The following SFXN5 variants were observed in gnomAD, a reference collection of about 807,000 sequenced individuals.
SFXN5 encodes the protein sideroflexin 5, also known as sideroflexin-5.
SFXN5 carries 43 observed loss-of-function variants against 50.2 expected under a neutral mutation model. The ratio of observed to expected loss-of-function variants is 0.86; its 90% CI spans 0.67 to 1.11. The LOEUF (loss-of-function observed/expected upper bound fraction) is 1.11, where lower values mean the gene tolerates loss of function less well. Among genes scored for constraint, SFXN5 ranks in the 50% least tolerant of loss-of-function variants. SFXN5 has a pLI of 0.00. For synonymous variants in SFXN5, 203 were observed against 185.8 expected, an observed-to-expected ratio of 1.09 and a Z score of -0.75; for missense variants, 463 against 454.1, an observed-to-expected ratio of 1.02 and a Z score of -0.18.
At chr2:72,951,392 T>G (rs1672519485) in intron 13 of SFXN5, among the ~76,000 whole-genome samples, 1 of 152,186 alleles carries the variant, frequency 6.6e-6, no homozygotes. Context: ...CCAGCTAGAA[T>G]AGCCAAGCAC....
At chr2:73,061,117 A>C (rs1398489531) in intron 1 of SFXN5, among the ~76,000 whole-genome samples, 1 of 151,330 alleles carries the variant, frequency 6.6e-6, no homozygotes, top group Non-Finnish European at 1.5e-5. Flanking sequence ...GGGGTTCAAG[A>C]CCAGCCTGGC....
At chr2:72,998,332 C>T (rs1408206444) in intron 9 of SFXN5, 1 of 152,384 alleles carries the variant, frequency 6.6e-6, no homozygotes, top group Non-Finnish European at 1.5e-5. Flanking sequence ...TTGCCCCTGG[C>T]CTCCTCTGGG....
chr2:73,067,885 T>C (rs1413107413), intron 1 of SFXN5, among the ~76,000 whole-genome samples: 1 of 152,202 alleles, frequency 6.6e-6, no homozygotes. Context: ...CTTAATCTGT[T>C]TGTGTGCTGT....
chr2:72,960,784 A>T lies in SFXN5; in HGVS notation c.945+347T>A, dbSNP rs371929678. ...CACACCAGGTGTCCGCGGACCTCAC[A>T]TCTCCCCCCGCCACCCCTTTTCATC... On this transcript the variant is annotated intron_variant, in intron 13 of 13. Coordinates refer to ENST00000272433, the MANE Select transcript of SFXN5 (RefSeq NM_144579.3). This position sits in a 1 kb window ranked among gnomAD's most constrained non-coding sequence, Gnocchi z 6.1. Among the ~76,000 whole-genome samples the T allele has an allele frequency of 2.1e-4, 32 of 151,556 alleles. No individual in the cohort carries two copies. The East Asian group carries it at 6.0e-3, about 29-fold the overall frequency.
intron 10 of SFXN5, among the ~76,000 whole-genome samples, chr2:72,975,545 C>A (rs947500518): frequency 6.6e-6 from 1 of 152,158 alleles, no homozygotes; most frequent in African/African-American, 2.4e-5. Context: ...CTACGATGCA[C>A]CTTCCCATAT....
intron 1 of SFXN5, among the ~76,000 whole-genome samples, chr2:73,061,428 G>A (rs535045179): frequency 1.5e-3 from 234 of 152,104 alleles, no homozygotes; most frequent in African/African-American, 5.3e-3. Context: ...CATAAAACCT[G>A]GAAATGTAGA....
At chr2:72,983,526 T>C (rs2105536516) in intron 10 of SFXN5, among the ~76,000 whole-genome samples, 1 of 152,288 alleles carries the variant, frequency 6.6e-6, no homozygotes, top group Non-Finnish European at 1.5e-5. Context: ...AGGGCCTAGC[T>C]GGGGGTCTTG....
chr2:72,949,936 T>TG (rs1359803924), intron 13 of SFXN5, among the ~76,000 whole-genome samples: 2 of 150,562 alleles, frequency 1.3e-5, no homozygotes, highest in Non-Finnish European at 3.0e-5. Context: ...GGGCCAGGGT[T>TG]GGGGGTGGTA....
chr2:72,955,710 C>T lies in SFXN5; in HGVS notation c.945+5421G>A, dbSNP rs773226487. The stretch of plus-strand genomic sequence containing the variant: ...TACAGCCTCTTGTGGTAGCCAAGCC[C>T]GTGTTCCTGGACACTGGACCCTGCA... On this transcript the variant is annotated intron_variant, in intron 13 of 13. Coordinates refer to ENST00000272433, the MANE Select transcript of SFXN5 (RefSeq NM_144579.3). Among the ~76,000 whole-genome samples, 177 of 152,334 alleles carry T rather than the reference C, an allele frequency of 1.2e-3. 2 individuals are homozygous for T. Among genetic ancestry groups the T allele is most frequent in the Non-Finnish European group, 2.2e-3 (151 of 68,026 alleles).
At chr2:73,051,461 T>C (rs1444007544) in intron 2 of SFXN5, among the ~76,000 whole-genome samples, 1 of 152,140 alleles carries the variant, frequency 6.6e-6, no homozygotes, top group Non-Finnish European at 1.5e-5. Context: ...TTTCACCATC[T>C]TGGCCAGGCT....
intron 13 of SFXN5, among the ~76,000 whole-genome samples, chr2:72,946,121 C>T (rs1482855947): frequency 6.6e-6 from 1 of 151,756 alleles, no homozygotes; most frequent in East Asian, 1.9e-4. Flanking sequence ...CACCTGGCTC[C>T]ACCTCCCCTG....
At chr2:73,001,456 C>T in intron 7 of SFXN5, 69 bp downstream of exon 7, 2 of 1,532,624 alleles carry the variant, frequency 1.3e-6, no homozygotes, top group South Asian at 1.1e-5. Context: ...GACACCACAG[C>T]AGGGAGTTCT....
At chr2:72,998,147 G>A (rs1415435118) in intron 9 of SFXN5, 1 of 152,140 alleles carries the variant, frequency 6.6e-6, no homozygotes, top group African/African-American at 2.4e-5. Flanking sequence ...AAATGACAGA[G>A]TTGTGAAGGG....
intron 11 of SFXN5, among the ~76,000 whole-genome samples, chr2:72,970,873 A>G (rs555835621): frequency 6.6e-6 from 1 of 152,122 alleles, no homozygotes; most frequent in East Asian, 1.9e-4. Context: ...TTTTTAGTAG[A>G]GACGGGGTTT....
At chr2:73,032,172 G>T (rs907498587) in intron 3 of SFXN5, among the ~76,000 whole-genome samples, 30 of 152,186 alleles carry the variant, frequency 2.0e-4, no homozygotes, top group African/African-American at 7.2e-4. Context: ...TCATCCTAGG[G>T]TGTCAAGAGT....
chr2:73,047,273 T>C lies in SFXN5; in HGVS notation c.172-6342A>G, dbSNP rs866413310. On this transcript the variant is annotated intron_variant, in intron 2 of 13. Coordinates refer to ENST00000272433, the MANE Select transcript of SFXN5 (RefSeq NM_144579.3). ...ATATATATATATATATATATATATATATACACACATATATATATATATATA... is the reference window on the plus strand; with the variant it reads ...ATATATATATATATATATATATATACATACACACATATATATATATATATA... Among the ~76,000 whole-genome samples the C allele has an allele frequency of 3.9e-3, 252 of 63,900 alleles. 4 individuals carry two copies. Among genetic ancestry groups the C allele is most frequent in the East Asian group, 0.021 (47 of 2,222 alleles). 41.9% of individuals were successfully genotyped at this position (63,900 alleles called of 152,430 possible). A position where few individuals can be genotyped will look rare whatever the true frequency, so the allele number is the denominator to read the frequency against.
intron 10 of SFXN5, among the ~76,000 whole-genome samples, chr2:72,981,844 C>A (rs762554216): frequency 2.0e-5 from 3 of 152,190 alleles, no homozygotes; most frequent in Non-Finnish European, 4.4e-5. Context: ...AACACCATTT[C>A]CGTACATAAT....
intron 3 of SFXN5, among the ~76,000 whole-genome samples, chr2:73,031,661 C>T (rs1369155253): frequency 2.6e-5 from 4 of 152,208 alleles, no homozygotes; most frequent in African/African-American, 9.7e-5. Flanking sequence ...TCTGACAACA[C>T]ACCAGACTCA....
chr2:73,054,755 G>A (rs978322280), intron 2 of SFXN5, among the ~76,000 whole-genome samples: 3 of 152,242 alleles, frequency 2.0e-5, no homozygotes, highest in African/African-American at 4.8e-5. Flanking sequence ...TCAAATAGGT[G>A]GCATTTATGT....
Sources: gnomAD v4.1 joint callset for allele counts (sites outside exome capture counted in the v4.1 genomes callset) on GRCh38, gnomAD v4.1.1 for gene constraint, Gnocchi (gnomAD v3.1) non-coding constraint, MANE v1.5 for transcripts, NCBI Gene and HGNC (gene_info 2026-07-23, HGNC 2026-07-21) for gene names.